The following AK7 variants were observed in gnomAD, a reference collection of about 807,000 sequenced individuals.
AK7 encodes the protein adenylate kinase 7, also known as ATP-AMP transphosphorylase 7.
In AK7, 78 loss-of-function variants were observed where a neutral mutation model predicts 96.6. The ratio of observed to expected loss-of-function variants is 0.81; its 90% CI spans 0.67 to 0.97. The LOEUF is 0.97. Ranked by LOEUF, AK7 falls within the 50% of genes least tolerant of loss-of-function variation. The pLI is 0.00. For synonymous variants in AK7, 302 were observed against 317.2 expected (o/e 0.95, Z 0.51); for missense variants, 855 against 887.9 (o/e 0.96, Z 0.47).
chr14:96,430,112 C>T (rs540066735), intron 5 of AK7, among the ~76,000 whole-genome samples: 2 of 151,798 alleles, frequency 1.3e-5, no homozygotes, highest in Non-Finnish European at 2.9e-5. Context: ...TCATAAATAG[C>T]TCTTATTATT....
intron 4 of AK7, among the ~76,000 whole-genome samples, chr14:96,417,343 T>C (rs557675716): frequency 1.5e-4 from 23 of 152,368 alleles, no homozygotes; most frequent in African/African-American, 5.3e-4. Context: ...TTTGTTTATC[T>C]GAAATTCAAA....
At chr14:96,434,659 C>A (rs1416662725) in intron 5 of AK7, among the ~76,000 whole-genome samples, 1 of 152,204 alleles carries the variant, frequency 6.6e-6, no homozygotes, top group Non-Finnish European at 1.5e-5. Flanking sequence ...CCAGCCAGGT[C>A]TGTTTCCTTC....
intron 6 of AK7, among the ~76,000 whole-genome samples, chr14:96,441,987 T>C (rs1015689288): frequency 4.6e-5 from 7 of 152,168 alleles, no homozygotes; most frequent in Non-Finnish European, 8.8e-5. Flanking sequence ...CATCACTGCT[T>C]AGAACCCTTC....
At position 96,487,014 on chromosome 14, in the gene AK7, T is replaced by C; in HGVS notation, c.2091T>C (p.Asn697=). ...TGCCAACTCTTATTCAGGGCCTGAA[T>C]GAATGTTGCAACGTCCGACCCGAAG... ...YVMPTLIQGL[N]ECCNVRPEDP... Residue 697 remains asparagine (N), a synonymous_variant, in exon 17 of 18, where the codon AAT becomes AAC. Coordinates refer to ENST00000267584, the MANE Select transcript of AK7 (RefSeq NM_152327.5). 1 of 1,614,142 alleles carries C rather than the reference T, an allele frequency of 6.2e-7. No individual in the cohort carries two copies. Among genetic ancestry groups the C allele is most frequent in the East Asian group, 2.2e-5 (1 of 44,864 alleles).
At chr14:96,400,385 G>A (rs2139985280) in intron 2 of AK7, among the ~76,000 whole-genome samples, 1 of 152,244 alleles carries the variant, frequency 6.6e-6, no homozygotes, top group African/African-American at 2.4e-5. Flanking sequence ...TTTTATTAAA[G>A]ACCTTGCTAT....
intron 12 of AK7, among the ~76,000 whole-genome samples, chr14:96,464,420 C>T (rs967165048): frequency 2.6e-5 from 4 of 151,360 alleles, no homozygotes; most frequent in African/African-American, 9.7e-5. Flanking sequence ...CGTGGTGGTG[C>T]GTGCCTATAG....
At chr14:96,462,777 C>A (rs1894324700) in intron 12 of AK7, among the ~76,000 whole-genome samples, 1 of 151,864 alleles carries the variant, frequency 6.6e-6, no homozygotes, top group South Asian at 2.1e-4. Context: ...TCTTGGCTTG[C>A]AGCTATCTAA....
intron 3 of AK7, among the ~76,000 whole-genome samples, chr14:96,406,967 C>T (rs1463864934): frequency 6.6e-6 from 1 of 152,174 alleles, no homozygotes. Context: ...CCACCACACC[C>T]AGCTATGTAT....
At chr14:96,406,152 C>G (rs1037181450) in intron 3 of AK7, among the ~76,000 whole-genome samples, 5 of 151,954 alleles carry the variant, frequency 3.3e-5, no homozygotes, top group Admixed American at 6.5e-5. Flanking sequence ...CTCCCGGGTT[C>G]AAGTGATTCT....
rs533686857 is a variant in AK7, at chr14:96,400,871, T to A, written c.294+2608T>A. Among the ~76,000 whole-genome samples, 150 of 152,370 alleles carry A rather than the reference T, an allele frequency of 9.8e-4. 6 individuals are homozygous for A. In the South Asian group the frequency reaches 0.03, roughly 31 times the overall value. On this transcript the variant is annotated intron_variant, in intron 2 of 17. Coordinates refer to ENST00000267584, the MANE Select transcript of AK7 (RefSeq NM_152327.5). The stretch of plus-strand genomic sequence containing the variant: ...AGTATCTGAAGCAAAATTGGGGTTC[T>A]GTTGGAGAAAAGGAAGAGGAAATGT...
intron 1 of AK7, among the ~76,000 whole-genome samples, chr14:96,395,800 ATTTTTTTTTTTT>A (rs1172936912): frequency 2.9e-5 from 2 of 69,018 alleles, no homozygotes; most frequent in Non-Finnish European, 5.2e-5. Context: ...TTGATTTTGA[ATTTTTTTTTTTT>A]TTTTTTTTTT....
At chr14:96,448,863 G>C (rs1321885806) in intron 8 of AK7, among the ~76,000 whole-genome samples, 1 of 151,988 alleles carries the variant, frequency 6.6e-6, no homozygotes, top group South Asian at 2.1e-4. Context: ...GGCTGAGGCA[G>C]GAGAATTGCT....
At position 96,425,480 on chromosome 14, in the gene AK7, A is replaced by ATTTTT. The variant is rs35861988; in HGVS notation, c.609+4564_609+4568dup. Among the ~76,000 whole-genome samples the ATTTTT allele has an allele frequency of 6.2e-3, 736 of 119,032 alleles. 36 individuals are homozygous for ATTTTT. Among genetic ancestry groups the ATTTTT allele is most frequent in the East Asian group, 0.014 (57 of 4,120 alleles). The allele number at this position is 119,032 out of a possible 152,430, so 78.1% of individuals were successfully genotyped here. A position where few individuals can be genotyped will look rare whatever the true frequency, so the allele number is the denominator to read the frequency against. On this transcript the variant is annotated intron_variant, in intron 5 of 17. Coordinates refer to ENST00000267584, the MANE Select transcript of AK7 (RefSeq NM_152327.5). ...TTTCATCTTTTAATGAGTCACACTG[A>ATTTTT]TTTTTTTTTTTTTTTTTTTTGAGAC...
intron 10 of AK7, among the ~76,000 whole-genome samples, chr14:96,453,680 C>G (rs1234982477): frequency 1.3e-5 from 2 of 152,134 alleles, no homozygotes; most frequent in Non-Finnish European, 2.9e-5. Context: ...TGTCCATCTG[C>G]TTGAAGGGAG....
At chr14:96,464,926 G>A (rs1294734957) in intron 12 of AK7, among the ~76,000 whole-genome samples, 10 of 152,136 alleles carry the variant, frequency 6.6e-5, no homozygotes, top group African/African-American at 9.7e-5. Flanking sequence ...GAGTCACTCC[G>A]GTTAGGACAA....
intron 10 of AK7, among the ~76,000 whole-genome samples, chr14:96,453,517 G>T (rs1281262020): frequency 6.6e-6 from 1 of 152,226 alleles, no homozygotes; most frequent in Non-Finnish European, 1.5e-5. Flanking sequence ...CCATGCACTT[G>T]CGTGATCGCA....
chr14:96,465,395 G>A (rs1894505376), intron 12 of AK7, among the ~76,000 whole-genome samples: 4 of 151,830 alleles, frequency 2.6e-5, no homozygotes, highest in Middle Eastern at 3.4e-3. Context: ...CCCGGGAGGC[G>A]GAGCTTGCAA....
At chr14:96,433,876 A>G (rs984110852) in intron 5 of AK7, among the ~76,000 whole-genome samples, 1 of 151,990 alleles carries the variant, frequency 6.6e-6, no homozygotes, top group African/African-American at 2.4e-5. Flanking sequence ...TGCATTTTTC[A>G]GCTCCGGAGT....
chr14:96,423,418 G>A (rs1028983652), intron 5 of AK7, among the ~76,000 whole-genome samples: 2 of 152,022 alleles, frequency 1.3e-5, no homozygotes, highest in African/African-American at 4.8e-5. Flanking sequence ...TAAATTCTGG[G>A]TTGCTATTTT....
Sources: gnomAD v4.1 joint callset for allele counts (sites outside exome capture counted in the v4.1 genomes callset) on GRCh38, gnomAD v4.1.1 for gene constraint, MANE v1.5 for transcripts, NCBI Gene and HGNC (gene_info 2026-07-23, HGNC 2026-07-21) for gene names.